The following AK5 variants were observed in gnomAD, a reference collection of about 807,000 sequenced individuals.
AK5 encodes adenylate kinase 5.
A neutral mutation model predicts 69.5 loss-of-function variants in AK5; 27 were observed. The observed-to-expected ratio is 0.39, with a 90% CI of 0.29 to 0.54. The LOEUF (loss-of-function observed/expected upper bound fraction) is 0.54, where lower values mean the gene tolerates loss of function less well. Ranked by LOEUF, AK5 falls within the 20% of genes least tolerant of loss-of-function variation. The probability of loss-of-function intolerance (pLI) is 0.71; values close to 1 mark genes in which losing one functional copy is unlikely to be tolerated. For synonymous variants in AK5, 260 were observed against 244.4 expected (o/e 1.06, Z -0.60); for missense variants, 531 against 700.4 (o/e 0.76, Z 2.73).
chr1:77,558,352 C>G (rs142620127), intron 13 of AK5, among the ~76,000 whole-genome samples: 10 of 152,256 alleles, frequency 6.6e-5, no homozygotes, highest in African/African-American at 2.4e-4. Flanking sequence ...CATGTCCTCA[C>G]CAGCATTTGG....
intron 6 of AK5, among the ~76,000 whole-genome samples, chr1:77,390,155 G>C (rs750960592): frequency 3.9e-5 from 6 of 152,126 alleles, no homozygotes; most frequent in Admixed American, 6.5e-5. Context: ...TTCAGTAAGA[G>C]ACCTGCAGAA....
intron 2 of AK5, among the ~76,000 whole-genome samples, chr1:77,290,558 T>C (rs1011371010): frequency 3.3e-5 from 5 of 152,230 alleles, no homozygotes; most frequent in African/African-American, 1.2e-4. Flanking sequence ...ATCCCTTTCT[T>C]TCTGCCACAT....
At chr1:77,439,392 A>G (rs1652165508) in intron 8 of AK5, among the ~76,000 whole-genome samples, 1 of 152,182 alleles carries the variant, frequency 6.6e-6, no homozygotes, top group Admixed American at 6.5e-5. Flanking sequence ...TCAAACATTT[A>G]TCATTTCTTT....
chr1:77,294,024 A>T, intron 3 of AK5, 64 bp downstream of exon 3: 2 of 1,468,626 alleles, frequency 1.4e-6, no homozygotes, highest in Non-Finnish European at 1.9e-6. Flanking sequence ...TTTACATTTC[A>T]AAAAAGTAAA....
At chr1:77,462,780 T>C (rs1427290280) in intron 8 of AK5, among the ~76,000 whole-genome samples, 1 of 152,142 alleles carries the variant, frequency 6.6e-6, no homozygotes, top group Non-Finnish European at 1.5e-5. Context: ...TCCCTATACT[T>C]TAAAACAATA....
intron 5 of AK5, among the ~76,000 whole-genome samples, chr1:77,311,739 T>C (rs569940506): frequency 6.6e-6 from 1 of 152,268 alleles, no homozygotes; most frequent in South Asian, 2.1e-4. Flanking sequence ...ACCAGGTTCC[T>C]TCTAGGGACT....
chr1:77,499,012 C>T (rs1656532746), intron 10 of AK5, among the ~76,000 whole-genome samples: 1 of 152,186 alleles, frequency 6.6e-6, no homozygotes, highest in African/African-American at 2.4e-5. Flanking sequence ...GCTGCCATTT[C>T]CTCTAGCTGA....
At chr1:77,327,697 C>T (rs1450584125) in intron 5 of AK5, among the ~76,000 whole-genome samples, 1 of 152,066 alleles carries the variant, frequency 6.6e-6, no homozygotes, top group African/African-American at 2.4e-5. Context: ...CTTCGTTTCT[C>T]CCTCCCCTCC....
At chr1:77,393,375 C>T (rs1054008431) in intron 6 of AK5, among the ~76,000 whole-genome samples, 3 of 152,062 alleles carry the variant, frequency 2.0e-5, no homozygotes, top group African/African-American at 4.8e-5. Flanking sequence ...GATTCAAAAG[C>T]GATTATGGAA....
intron 12 of AK5, among the ~76,000 whole-genome samples, chr1:77,524,724 T>G (rs1448744206): frequency 6.6e-6 from 1 of 152,256 alleles, no homozygotes; most frequent in Middle Eastern, 3.2e-3. Flanking sequence ...TGTCCTTTGA[T>G]GCACAAAAGC....
intron 8 of AK5, among the ~76,000 whole-genome samples, chr1:77,424,337 T>C (rs2803143): frequency 0.92 from 140,435 of 152,224 alleles, 64,911 homozygotes; most frequent in East Asian, 0.97. Context: ...CATAGCTCAC[T>C]GCAGCCTTGA....
At chr1:77,506,311 T>C (rs1052871138) in intron 10 of AK5, among the ~76,000 whole-genome samples, 5 of 152,030 alleles carry the variant, frequency 3.3e-5, no homozygotes, top group Admixed American at 2.0e-4. Context: ...TAGATTCATA[T>C]TCAGCTGAAA....
intron 6 of AK5, among the ~76,000 whole-genome samples, chr1:77,357,611 C>A (rs1023823429): frequency 6.6e-6 from 1 of 152,158 alleles, no homozygotes; most frequent in South Asian, 2.1e-4. Flanking sequence ...GATCAATTCT[C>A]TTCTACTGCA....
At position 77,473,173 on chromosome 1, in the gene AK5, G is replaced by C. The variant is rs542840626; in HGVS notation, c.1060-10144G>C. On this transcript the variant is annotated intron_variant, in intron 8 of 13. Coordinates refer to ENST00000354567, the MANE Select transcript of AK5 (RefSeq NM_174858.3). Reference sequence around the variant, plus strand: ...TGGTTGAATTGTTGCATGAGCAGTAGAATCTCAGCATTGGAAGCTTCTTGG... The same window carrying C: ...TGGTTGAATTGTTGCATGAGCAGTACAATCTCAGCATTGGAAGCTTCTTGG... Among the ~76,000 whole-genome samples the C allele has an allele frequency of 2.2e-4, 34 of 151,618 alleles. 1 individual carries two copies. The highest frequency in any genetic ancestry group is 2.1e-3 in the Admixed American group (32 of 15,226).
chr1:77,436,976 G>T (rs1043682902), intron 8 of AK5, among the ~76,000 whole-genome samples: 2 of 152,006 alleles, frequency 1.3e-5, no homozygotes, highest in Non-Finnish European at 2.9e-5. Context: ...CATAAACAAA[G>T]ATCGTTCTCT....
chr1:77,438,294 CAAAAAAAAAAAAAA>C lies in AK5; in HGVS notation c.1059+20596_1059+20609del, dbSNP rs56019139. Among the ~76,000 whole-genome samples the C allele has an allele frequency of 4.7e-4, 25 of 52,798 alleles. No homozygotes were observed. The South Asian group carries it at 7.0e-3, about 15-fold the overall frequency. The allele number at this position is 52,798 out of a possible 152,430, so 34.6% of individuals were successfully genotyped here. A position where few individuals can be genotyped will look rare whatever the true frequency, so the allele number is the denominator to read the frequency against. On this transcript the variant is annotated intron_variant, in intron 8 of 13. Transcript: ENST00000354567. ...TTTTGTTTTAACCCTATATTTGGTACAAAAAAAAAAAAAAAAAAAAAAAAAAAAAACAAGCTTGG... is the reference window on the plus strand; with the variant it reads ...TTTTGTTTTAACCCTATATTTGGTACAAAAAAAAAAAAAAAACAAGCTTGG...
chr1:77,296,819 CAAAG>C (rs1659030996), intron 3 of AK5, among the ~76,000 whole-genome samples: 1 of 152,114 alleles, frequency 6.6e-6, no homozygotes, highest in Non-Finnish European at 1.5e-5. Context: ...TTGCATATGA[CAAAG>C]AGATAGAGAT....
intron 12 of AK5, among the ~76,000 whole-genome samples, chr1:77,534,188 T>G (rs1311849769): frequency 1.3e-5 from 2 of 152,140 alleles, no homozygotes; most frequent in Admixed American, 6.5e-5. Context: ...CCCACACACT[T>G]TCTACAGTGG....
intron 6 of AK5, among the ~76,000 whole-genome samples, chr1:77,375,986 G>A (rs1180520059): frequency 1.3e-5 from 2 of 152,160 alleles, no homozygotes; most frequent in Non-Finnish European, 1.5e-5. Flanking sequence ...AGGTACAAAT[G>A]TATTGTAAAC....
Sources: allele counts gnomAD v4.1 joint callset (sites outside exome capture counted in the v4.1 genomes callset), GRCh38; gene constraint gnomAD v4.1.1; transcripts MANE v1.5; gene names NCBI Gene and HGNC (gene_info 2026-07-23, HGNC 2026-07-21).